Variants in OTOGL observed in about 807,000 individuals in gnomAD.
The protein encoded by OTOGL is otogelin like, also known as otogelin-like protein.
Under a neutral mutation model 318.5 loss-of-function variants are expected in OTOGL, and 285 were observed. The observed-to-expected ratio is 0.89, with a 90% CI of 0.81 to 0.99. The LOEUF is 0.99. OTOGL is among the 50% of genes least tolerant of loss of function. The pLI is 0.00. For synonymous variants in OTOGL, 987 were observed against 936.5 expected (o/e 1.05, Z -0.99); for missense variants, 2,899 against 2,845.6 (o/e 1.02, Z -0.43).
At chr12:80,330,181 C>G (rs144771904) in intron 37 of OTOGL, among the ~76,000 whole-genome samples, 2 of 152,246 alleles carry the variant, frequency 1.3e-5, no homozygotes, top group East Asian at 3.9e-4. Flanking sequence ...ACAAAGGACT[C>G]ATGGTAAGAA....
intron 32 of OTOGL, among the ~76,000 whole-genome samples, chr12:80,315,073 G>A (rs948119619): frequency 6.6e-6 from 1 of 152,178 alleles, no homozygotes; most frequent in Non-Finnish European, 1.5e-5. Flanking sequence ...GAGGCTAGTG[G>A]TTGGGAAGTG....
intron 1 of OTOGL, among the ~76,000 whole-genome samples, chr12:80,124,627 G>A (rs1238739750): frequency 1.3e-5 from 2 of 152,144 alleles, no homozygotes; most frequent in Admixed American, 1.3e-4. Flanking sequence ...ATTACCTTGG[G>A]CAATACGGCC....
chr12:80,147,897 C>A (rs1292197830), intron 1 of OTOGL, among the ~76,000 whole-genome samples: 1 of 151,906 alleles, frequency 6.6e-6, no homozygotes, highest in African/African-American at 2.4e-5. Context: ...TTTTTGTTCT[C>A]CATTTGCTTG....
rs1435497744 is a variant in OTOGL, at chr12:80,233,093, G to T, written c.813G>T (p.Leu271=). The T allele has an allele frequency of 1.3e-6, 2 of 1,589,186 alleles. No individual in the cohort carries two copies. The highest frequency in any genetic ancestry group is 2.7e-5 in the African/African-American group (2 of 74,710). Residue 271 remains leucine, a synonymous_variant, in exon 9 of 59, where the codon CTG becomes CTT. Transcript: ENST00000547103. ...NDIQSDDFII[L]QEDYTEDIAM... ...TTCAATCTGATGATTTCATAATTCT[G>T]CAAGGTAAGTGAAGCAGAATAAATG... is the stretch of plus-strand genomic sequence containing the variant.
intron 1 of OTOGL, chr12:80,131,136 G>A (rs1305516794): frequency 6.6e-6 from 1 of 152,184 alleles, no homozygotes. Flanking sequence ...GAAGAGCTTG[G>A]TAAGGACTTG....
At chr12:80,236,816 C>CTTTTTTTTTT (rs1376942990) in intron 9 of OTOGL, among the ~76,000 whole-genome samples, 5 of 137,614 alleles carry the variant, frequency 3.6e-5, no homozygotes, top group African/African-American at 1.3e-4. Context: ...TTTTTCTTTT[C>CTTTTTTTTTT]TTTTTTTTTT....
In OTOGL at chr12:80,194,676, C is replaced by T. The variant is rs190458676; in HGVS notation, c.-19-14737C>T. ...CATTATATAACATTATACTAGAGAG[C>T]GCTCTAAAATATATTTAATGTAGCA... On this transcript the variant is annotated intron_variant, in intron 1 of 58. Coordinates refer to ENST00000547103, the MANE Select transcript of OTOGL (RefSeq NM_001378609.3). Among the ~76,000 whole-genome samples the T allele has an allele frequency of 5.9e-5, 9 of 152,112 alleles. No individual in the cohort carries two copies. In the South Asian group the frequency reaches 1.2e-3, roughly 21 times the overall value.
chr12:80,237,556 T>A (rs1879977886), intron 9 of OTOGL, among the ~76,000 whole-genome samples: 1 of 151,920 alleles, frequency 6.6e-6, no homozygotes, highest in South Asian at 2.1e-4. Context: ...GGGAATGAGT[T>A]TGAGTGTTTG....
rs200166284 is a variant in OTOGL, at chr12:80,232,912, T to C, written c.632T>C (p.Ile211Thr). The C allele has an allele frequency of 6.3e-7, 1 of 1,598,506 alleles. No homozygotes were observed. Among genetic ancestry groups the C allele is most frequent in the Non-Finnish European group, 8.5e-7 (1 of 1,179,070 alleles). ...TCAAGTTTAACATTGCCTCAGACAA[T>C]TGGACAGATTTTCATTGAGAAACTA... is the stretch of plus-strand genomic sequence containing the variant. ...NGISLTLPQTIGQIFIEKLAD... is the reference protein window; with the variant it reads ...NGISLTLPQTTGQIFIEKLAD... Residue 211 changes from isoleucine to threonine, a missense_variant, in exon 9 of 59, where the codon ATT becomes ACT. Physicochemically the swap from Ile to Thr is moderately conservative, Grantham distance 89. Coordinates refer to ENST00000547103, the MANE Select transcript of OTOGL (RefSeq NM_001378609.3).
At chr12:80,246,195 C>A (rs1286637307) in intron 11 of OTOGL, among the ~76,000 whole-genome samples, 2 of 150,214 alleles carry the variant, frequency 1.3e-5, no homozygotes, top group Admixed American at 6.6e-5. Flanking sequence ...ACTTCCAACA[C>A]TATGTTGAAT....
chr12:80,368,124 T>C (rs1341073585), intron 54 of OTOGL, 81 bp from the exon 55 acceptor site: 2 of 1,028,272 alleles, frequency 1.9e-6, no homozygotes, highest in South Asian at 1.6e-5. Flanking sequence ...CTTGTAGTTA[T>C]GTTTGGAAGA....
intron 1 of OTOGL, among the ~76,000 whole-genome samples, chr12:80,142,545 G>A: frequency 6.6e-6 from 1 of 152,096 alleles, no homozygotes. Context: ...ATCTTCAGTG[G>A]AACTACTTTG....
intron 1 of OTOGL, among the ~76,000 whole-genome samples, chr12:80,150,015 T>C (rs1872682463): frequency 6.6e-6 from 1 of 152,212 alleles, no homozygotes; most frequent in African/African-American, 2.4e-5. Context: ...ACCCATCTTC[T>C]GCGTCGCTCA....
intron 8 of OTOGL, among the ~76,000 whole-genome samples, chr12:80,230,736 C>T (rs1879287106): frequency 6.6e-6 from 1 of 152,112 alleles, no homozygotes; most frequent in Admixed American, 6.6e-5. Flanking sequence ...AAATATTTGC[C>T]ATAATAAAAT....
At chr12:80,262,332 A>G (rs573554939) in intron 19 of OTOGL, among the ~76,000 whole-genome samples, 1 of 151,174 alleles carries the variant, frequency 6.6e-6, no homozygotes, top group African/African-American at 2.4e-5. Flanking sequence ...TTTTTATTTC[A>G]TAAATTTTCT....
chr12:80,269,473 C>T (rs998771660), intron 22 of OTOGL, among the ~76,000 whole-genome samples: 1 of 152,174 alleles, frequency 6.6e-6, no homozygotes, highest in Non-Finnish European at 1.5e-5. Context: ...TCTTCAATGG[C>T]TCACCTCAGG....
At chr12:80,194,874 A>T (rs1875947070) in intron 1 of OTOGL, among the ~76,000 whole-genome samples, 1 of 152,234 alleles carries the variant, frequency 6.6e-6, no homozygotes, top group African/African-American at 2.4e-5. Flanking sequence ...GCCATATGAT[A>T]TTTGAATCAG....
chr12:80,255,058 G>T lies in OTOGL; in HGVS notation c.1460G>T (p.Gly487Val). The change falls in exon 16 of 59, where the codon GGT becomes GTT. Residue 487 changes from glycine to valine, a missense_variant. Around this residue, in one of 3 missense-constraint regions of OTOGL, gnomAD observed 2,607 missense variants for 2,524.9 expected, o/e 1.03. Coordinates refer to ENST00000547103, the MANE Select transcript of OTOGL (RefSeq NM_001378609.3). ...QDCPVQCSVV[G>V]DSHFTTFDGR... ...TTGGCAGTTCAATGCTCAGTTGTAG[G>T]TGATTCTCACTTTACAACTTTTGAT... 6.7e-7 allele frequency: 1 copy of T among 1,501,348 alleles called. No individual in the cohort carries two copies. Among genetic ancestry groups the T allele is most frequent in the South Asian group, 1.3e-5 (1 of 74,950 alleles). The allele number at this position is 1,501,348 out of a possible 1,614,324, so 93.0% of individuals were successfully genotyped here.
intron 44 of OTOGL, chr12:80,343,509 G>GTTTTTTT (rs58046272): frequency 2.8e-5 from 1 of 35,856 alleles, no homozygotes; most frequent in African/African-American, 1.1e-4. Flanking sequence ...TTTTATTCTT[G>GTTTTTTT]TTTTTTTTTT....
Sources: gnomAD v4.1 joint callset for allele counts (sites outside exome capture counted in the v4.1 genomes callset) on GRCh38, gnomAD v4.1.1 for gene constraint, gnomAD v4.1.1 regional missense constraint, MANE v1.5 for transcripts, NCBI Gene and HGNC (gene_info 2026-07-23, HGNC 2026-07-21) for gene names.